Variants in SNAP91 observed in about 807,000 individuals in gnomAD.
SNAP91 encodes the protein synaptosome associated protein 91.
A neutral mutation model predicts 100.3 loss-of-function variants in SNAP91; 27 were observed. That is an observed-to-expected ratio of 0.27 (90% CI 0.20 to 0.37). The LOEUF is 0.37. Ranked by LOEUF, SNAP91 falls within the 10% of genes least tolerant of loss-of-function variation. SNAP91 has a pLI of 1.00. For missense variants in SNAP91, 986 were observed against 1,123.7 expected, an observed-to-expected ratio of 0.88 and a Z score of 1.75; for synonymous variants, 404 against 398.6, an observed-to-expected ratio of 1.01 and a Z score of -0.16.
chr6:83,702,934 A>G (rs1371711278), intron 2 of SNAP91, among the ~76,000 whole-genome samples: 1 of 152,146 alleles, frequency 6.6e-6, no homozygotes, highest in Non-Finnish European at 1.5e-5. Flanking sequence ...GCCAACCCTG[A>G]TCACATGGTC....
intron 8 of SNAP91, 118 bp downstream of exon 8, chr6:83,640,978 C>G (rs1283100533): frequency 3.6e-6 from 2 of 548,316 alleles, no homozygotes; most frequent in Non-Finnish European, 6.1e-6. Context: ...ACTGTGACTC[C>G]GAGGCACTTC....
intron 24 of SNAP91, among the ~76,000 whole-genome samples, chr6:83,577,768 T>C (rs1277915908): frequency 2.6e-5 from 4 of 152,190 alleles, no homozygotes; most frequent in African/African-American, 9.7e-5. Flanking sequence ...AAATTCACTC[T>C]TTTAAAGTAC....
chr6:83,563,727 C>T (rs1343474271), intron 26 of SNAP91, among the ~76,000 whole-genome samples: 3 of 151,958 alleles, frequency 2.0e-5, no homozygotes, highest in South Asian at 2.1e-4. Flanking sequence ...AATGAATAAT[C>T]GAAAAATTTA....
At chr6:83,668,203 G>C (rs1393428583) in intron 2 of SNAP91, among the ~76,000 whole-genome samples, 1 of 152,142 alleles carries the variant, frequency 6.6e-6, no homozygotes, top group Non-Finnish European at 1.5e-5. Context: ...AGGATGTGGA[G>C]AAATAGGAAC....
chr6:83,663,491 G>C (rs1207972554), intron 3 of SNAP91, among the ~76,000 whole-genome samples: 1 of 152,146 alleles, frequency 6.6e-6, no homozygotes, highest in Non-Finnish European at 1.5e-5. Flanking sequence ...GAGAATGTTT[G>C]AGTGGTCTGG....
chr6:83,572,693 A>T (rs1584614584), intron 26 of SNAP91, among the ~76,000 whole-genome samples: 1 of 152,192 alleles, frequency 6.6e-6, no homozygotes, highest in East Asian at 1.9e-4. Flanking sequence ...TAAAAAACAA[A>T]AGTTTTATCC....
intron 12 of SNAP91, among the ~76,000 whole-genome samples, chr6:83,610,295 G>A (rs2095915733): frequency 6.6e-6 from 1 of 151,868 alleles, no homozygotes; most frequent in Non-Finnish European, 1.5e-5. Flanking sequence ...AGGAAATTCA[G>A]GCACATGGTA....
Position 83,594,384 on chromosome 6 carries a change from A to G in SNAP91, c.1422T>C (p.Cys474=). Residue 474 remains cysteine (C), a synonymous_variant, in exon 17 of 30, where the codon TGT becomes TGC. Coordinates refer to ENST00000369694, the MANE Select transcript of SNAP91 (RefSeq NM_001242792.2). ...TGACTTTAAACCCACCATTTCCTGAACATGCATCAAGTGCTGCTGCTACAG... is the reference window on the plus strand; with the variant it reads ...TGACTTTAAACCCACCATTTCCTGAGCATGCATCAAGTGCTGCTGCTACAG... ...PTPVAAALDA[C]SGNDPFAPSE... 1 of 1,553,014 alleles carries G rather than the reference A, an allele frequency of 6.4e-7. No homozygotes were observed. The highest frequency in any genetic ancestry group is 1.4e-5 in the African/African-American group (1 of 73,244).
rs776258370 is a variant in SNAP91, at chr6:83,707,951, T to G, written c.-24A>C. ...ATCTTCTGTGGTCGCGTCTACCGCC[T>G]CCTCTTCTGCAGGAAACAAGGGGAG... is the stretch of plus-strand genomic sequence containing the variant. On this transcript the variant is annotated 5_prime_UTR_variant, in exon 2 of 30. Coordinates refer to ENST00000369694, the MANE Select transcript of SNAP91 (RefSeq NM_001242792.2). The G allele has an allele frequency of 9.0e-6, 14 of 1,558,672 alleles. No individual in the cohort carries two copies. Among genetic ancestry groups the G allele is most frequent in the Non-Finnish European group, 1.0e-5 (12 of 1,160,792 alleles).
chr6:83,556,309 G>A lies in SNAP91; in HGVS notation c.2632-64C>T, dbSNP rs1420150160. 6 of 319,988 alleles carry A rather than the reference G, an allele frequency of 1.9e-5. No homozygotes were observed. The East Asian group carries it at 5.0e-4, about 27-fold the overall frequency. 19.8% of individuals were successfully genotyped at this position (319,988 alleles called of 1,614,324 possible). On this transcript the variant is annotated intron_variant, in intron 28 of 29. Coordinates refer to ENST00000369694, the MANE Select transcript of SNAP91 (RefSeq NM_001242792.2). ...AAGCAGAGAGAGAATGAGACATGGGGGGAAGAGGGGGCAGGGGGAGAGAGG... is the reference window on the plus strand; with the variant it reads ...AAGCAGAGAGAGAATGAGACATGGGAGGAAGAGGGGGCAGGGGGAGAGAGG...
chr6:83,635,778 A>G (rs187616788), intron 8 of SNAP91, among the ~76,000 whole-genome samples: 2 of 152,244 alleles, frequency 1.3e-5, no homozygotes, highest in East Asian at 1.9e-4. Context: ...ATTATGGACT[A>G]TGTACTTATA....
chr6:83,643,328 A>C (rs2097785758), intron 7 of SNAP91, among the ~76,000 whole-genome samples: 1 of 152,192 alleles, frequency 6.6e-6, no homozygotes. Flanking sequence ...TTTAGGTCTA[A>C]CATTTAAGTC....
Position 83,607,746 on chromosome 6 carries a change from G to C in SNAP91, c.975C>G (p.Ser325=), listed in dbSNP as rs1315294542. 2 of 1,595,906 alleles carry C rather than the reference G, an allele frequency of 1.3e-6. No individual in the cohort carries two copies. ...NSTPAKTIDT[S]PPVDLFATAS... is the part of the protein sequence containing the mutation. Reference sequence around the variant, plus strand: ...CAGTTGCAAATAAATCAACCGGTGGGGATGTGTCAATAGTTTTAGCTGGTG... The same window carrying C: ...CAGTTGCAAATAAATCAACCGGTGGCGATGTGTCAATAGTTTTAGCTGGTG... Residue 325 remains serine, a synonymous_variant, in exon 13 of 30, where the codon TCC becomes TCG. Coordinates refer to ENST00000369694, the MANE Select transcript of SNAP91 (RefSeq NM_001242792.2).
chr6:83,648,344 T>C (rs999687832), intron 7 of SNAP91, among the ~76,000 whole-genome samples: 4 of 152,176 alleles, frequency 2.6e-5, no homozygotes, highest in African/African-American at 7.2e-5. Flanking sequence ...CTTTTGTTTA[T>C]CTATGTACCT....
intron 2 of SNAP91, chr6:83,690,273 G>A (rs1284650745): frequency 2.6e-6 from 3 of 1,172,330 alleles, no homozygotes; most frequent in Non-Finnish European, 3.2e-6. Context: ...ATAATACTGT[G>A]ATCCAAAACA....
chr6:83,578,486 A>C (rs1423574941), intron 24 of SNAP91, among the ~76,000 whole-genome samples: 2 of 152,150 alleles, frequency 1.3e-5, no homozygotes, highest in African/African-American at 2.4e-5. Flanking sequence ...TTTCATGTGC[A>C]TATTGGCCAT....
At chr6:83,589,843 A>G (rs1204319710) in intron 22 of SNAP91, among the ~76,000 whole-genome samples, 1 of 152,180 alleles carries the variant, frequency 6.6e-6, no homozygotes, top group Non-Finnish European at 1.5e-5. Flanking sequence ...AGCATCTGCC[A>G]TTACTCACCA....
chr6:83,703,924 T>C (rs1405959661), intron 2 of SNAP91, among the ~76,000 whole-genome samples: 1 of 152,220 alleles, frequency 6.6e-6, no homozygotes, highest in East Asian at 1.9e-4. Flanking sequence ...AAATCACTCA[T>C]AAGCACTATT....
At chr6:83,684,012 C>T (rs550932345) in intron 2 of SNAP91, among the ~76,000 whole-genome samples, 1 of 152,186 alleles carries the variant, frequency 6.6e-6, no homozygotes, top group Non-Finnish European at 1.5e-5. Context: ...ACAATTGCCT[C>T]ATACCTTTGT....
Sources: gnomAD v4.1 joint callset for allele counts (sites outside exome capture counted in the v4.1 genomes callset) on GRCh38, gnomAD v4.1.1 for gene constraint, MANE v1.5 for transcripts, NCBI Gene and HGNC (gene_info 2026-07-23, HGNC 2026-07-21) for gene names.